ACTA2: variants seen among roughly 807,000 people sequenced by gnomAD.
ACTA2 encodes actin alpha 2, smooth muscle.
Under a neutral mutation model 39.5 loss-of-function variants are expected in ACTA2, and 12 were observed. That is an observed-to-expected ratio of 0.30 (90% CI 0.19 to 0.49). ACTA2 has a LOEUF of 0.49. Ranked by LOEUF, ACTA2 falls within the 20% of genes least tolerant of loss-of-function variation. The probability of loss-of-function intolerance (pLI) is 0.99; values close to 1 mark genes in which losing one functional copy is unlikely to be tolerated. For synonymous variants in ACTA2, 158 were observed against 180.6 expected (o/e 0.88, Z 1.00); for missense variants, 236 against 498.8 (o/e 0.47, Z 5.02).
intron 1 of ACTA2, chr10:88,973,134 CT>C: frequency 6.5e-7 from 1 of 1,530,850 alleles, no homozygotes. Context: ...TTTCCTGGGC[CT>C]TGCCTCCCAA....
intron 4 of ACTA2, among the ~76,000 whole-genome samples, 178 bp from the exon 5 acceptor site, chr10:88,942,047 A>G (rs1845865115): frequency 6.6e-6 from 1 of 152,158 alleles, no homozygotes; most frequent in African/African-American, 2.4e-5. Context: ...GAAGGTGTGA[A>G]TGGGGAGCCA....
chr10:88,976,251 G>A (rs961978968), intron 1 of ACTA2, among the ~76,000 whole-genome samples: 4 of 152,246 alleles, frequency 2.6e-5, no homozygotes, highest in Non-Finnish European at 1.5e-5. Flanking sequence ...GAAAGTTTAC[G>A]AATTCGTGTT....
intron 1 of ACTA2, among the ~76,000 whole-genome samples, chr10:88,976,646 T>G (rs1365305433): frequency 6.6e-6 from 1 of 152,236 alleles, no homozygotes; most frequent in Non-Finnish European, 1.5e-5. Context: ...TCAATGATAT[T>G]GTGTTATTTT....
chr10:88,941,954 C>G, intron 4 of ACTA2, 85 bp from the exon 5 acceptor site: 1 of 1,273,130 alleles, frequency 7.9e-7, no homozygotes, highest in South Asian at 1.3e-5. Context: ...TTGATGGATG[C>G]AGAGGGGCCT....
intron 7 of ACTA2, 158 bp downstream of exon 7, chr10:88,939,349 G>T (rs1328804475): frequency 3.2e-6 from 3 of 937,758 alleles, no homozygotes; most frequent in Non-Finnish European, 5.1e-6. Flanking sequence ...GCCTCATTAT[G>T]TCTTCTCGCC....
intron 1 of ACTA2, among the ~76,000 whole-genome samples, chr10:88,961,051 C>G (rs1025606652): frequency 6.6e-6 from 1 of 152,114 alleles, no homozygotes; most frequent in African/African-American, 2.4e-5. Flanking sequence ...AGGAGCAGCT[C>G]TGAGTAACTG....
At chr10:88,975,936 C>A (rs1345633068) in intron 1 of ACTA2, among the ~76,000 whole-genome samples, 2 of 152,124 alleles carry the variant, frequency 1.3e-5, no homozygotes, top group Non-Finnish European at 2.9e-5. Context: ...AATTTCTTTC[C>A]TCTTCATTTG....
intron 1 of ACTA2, among the ~76,000 whole-genome samples, chr10:88,978,551 G>T (rs1032403408): frequency 2.0e-5 from 3 of 152,184 alleles, no homozygotes; most frequent in Non-Finnish European, 4.4e-5. Flanking sequence ...GTTGGAAAGT[G>T]GTAAGAGAGA....
chr10:88,989,600 A>G (rs769346927), intron 1 of ACTA2: 6 of 537,862 alleles, frequency 1.1e-5, no homozygotes, highest in Non-Finnish European at 3.7e-6. Context: ...TGACAGATGC[A>G]AAACACAGGG....
chr10:88,942,010 G>T, intron 4 of ACTA2, 141 bp from the exon 5 acceptor site: 1 of 738,462 alleles, frequency 1.4e-6, no homozygotes. Flanking sequence ...GTTCAGAACA[G>T]CCCTGGTCAC....
At chr10:88,967,420 G>A (rs1383936471) in intron 1 of ACTA2, among the ~76,000 whole-genome samples, 1 of 152,124 alleles carries the variant, frequency 6.6e-6, no homozygotes, top group African/African-American at 2.4e-5. Context: ...AAAATGAGAA[G>A]GATGTAACAC....
upstream of ACTA2, among the ~76,000 whole-genome samples, chr10:88,953,438 T>C (rs17114337): frequency 0.09 from 13,658 of 152,198 alleles, 810 homozygotes; most frequent in East Asian, 0.3. Flanking sequence ...GTGCATTAGC[T>C]TTGTCTACTA....
intron 2 of ACTA2, among the ~76,000 whole-genome samples, chr10:88,947,988 G>A (rs1426272444): frequency 6.6e-6 from 1 of 151,942 alleles, no homozygotes; most frequent in Admixed American, 6.6e-5. Context: ...AAATCATTAA[G>A]GTGAAGTTCT....
At chr10:88,954,418 T>G (rs1429362515), upstream of ACTA2, among the ~76,000 whole-genome samples, 3 of 152,124 alleles carry the variant, frequency 2.0e-5, no homozygotes, top group Non-Finnish European at 2.9e-5. Context: ...CAACATAAAG[T>G]TGGGCATTTG....
chr10:88,984,359 C>T (rs529334403), intron 1 of ACTA2, among the ~76,000 whole-genome samples: 2 of 152,244 alleles, frequency 1.3e-5, no homozygotes, highest in Admixed American at 6.5e-5. Context: ...TCCCATACTA[C>T]CTTTCTGCCT....
intron 1 of ACTA2, among the ~76,000 whole-genome samples, chr10:88,949,975 T>C (rs377640406): frequency 9.2e-5 from 14 of 152,340 alleles, no homozygotes; most frequent in African/African-American, 2.9e-4. Flanking sequence ...TTGGATCTTA[T>C]ACTTGGATCC....
At chr10:88,962,965 AT>A (rs1564653504) in intron 1 of ACTA2, among the ~76,000 whole-genome samples, 14 of 39,924 alleles carry the variant, frequency 3.5e-4, no homozygotes, top group African/African-American at 4.8e-4. Flanking sequence ...ATATATATAT[AT>A]ATATATATAT....
At position 88,949,568 on chromosome 10, in the gene ACTA2, A is replaced by C. The variant is rs17114302; in HGVS notation, c.-23-615T>G. 0.089 allele frequency among the ~76,000 whole-genome samples: 13,548 copies of C among 152,174 alleles called. 776 individuals are homozygous for C. The highest frequency in any genetic ancestry group is 0.28 in the South Asian group (1,353 of 4,822). On this transcript the variant is annotated intron_variant, in intron 1 of 8. Transcript: ENST00000224784. ...TAAAATTTTCTGAGAAGGTGCTTTA[A>C]ATTTTAGGGGCTGCAATTATCCACC...
chr10:88,937,068 AG>A (rs1234657665), intron 8 of ACTA2, among the ~76,000 whole-genome samples: 2 of 152,248 alleles, frequency 1.3e-5, no homozygotes, highest in South Asian at 2.1e-4. Flanking sequence ...TGTGGAAGTA[AG>A]GGGGGTAAGA....
Sources: gnomAD v4.1 joint callset for allele counts (sites outside exome capture counted in the v4.1 genomes callset) on GRCh38, gnomAD v4.1.1 for gene constraint, MANE v1.5 for transcripts, NCBI Gene and HGNC (gene_info 2026-07-23, HGNC 2026-07-21) for gene names.